LRRC4C: variants seen among roughly 807,000 people sequenced by gnomAD.
LRRC4C encodes leucine rich repeat containing 4C, also known as leucine-rich repeat-containing protein 4C.
LRRC4C carries 5 observed loss-of-function variants against 33.6 expected under a neutral mutation model. The ratio of observed to expected loss-of-function variants is 0.15; its 90% CI spans 0.08 to 0.31. The LOEUF (loss-of-function observed/expected upper bound fraction) is 0.31. Ranked by LOEUF, LRRC4C falls within the 10% of genes least tolerant of loss-of-function variation. The probability of loss-of-function intolerance (pLI) is 1.00; values close to 1 mark genes in which losing one functional copy is unlikely to be tolerated. For missense variants in LRRC4C, 560 were observed against 796.7 expected, an observed-to-expected ratio of 0.70 and a Z score of 3.58; for synonymous variants, 329 against 302.0, an observed-to-expected ratio of 1.09 and a Z score of -0.93.
At chr11:40,721,585 G>C (rs1335427742) in intron 2 of LRRC4C, among the ~76,000 whole-genome samples, 1 of 152,196 alleles carries the variant, frequency 6.6e-6, no homozygotes, top group Non-Finnish European at 1.5e-5. Context: ...AGGAAGCCTG[G>C]TTGGGTAGAT....
intron 1 of LRRC4C, among the ~76,000 whole-genome samples, chr11:41,278,411 A>C (rs2136907700): frequency 6.6e-6 from 1 of 152,354 alleles, no homozygotes; most frequent in Non-Finnish European, 1.5e-5. Flanking sequence ...TTAAAGTTGA[A>C]GTTTCCAAGA....
At chr11:41,011,851 G>T (rs201886122) in intron 1 of LRRC4C, among the ~76,000 whole-genome samples, 1 of 33,928 alleles carries the variant, frequency 2.9e-5, no homozygotes, top group Non-Finnish European at 8.0e-5. Context: ...ATTATATTAT[G>T]TTACATGTAT....
intron 1 of LRRC4C, among the ~76,000 whole-genome samples, chr11:41,369,909 G>A (rs1952682378): frequency 6.6e-6 from 1 of 152,200 alleles, no homozygotes; most frequent in African/African-American, 2.4e-5. Context: ...AGAGGCCCTT[G>A]TAACACTTTA....
chr11:40,708,721 G>T (rs7342204), intron 2 of LRRC4C, among the ~76,000 whole-genome samples: 1 of 152,074 alleles, frequency 6.6e-6, no homozygotes, highest in Non-Finnish European at 1.5e-5. Flanking sequence ...ATGTCTATTA[G>T]GTCTGCTTGG....
intron 6 of LRRC4C, among the ~76,000 whole-genome samples, chr11:40,136,279 T>C (rs561992139): frequency 1.3e-5 from 2 of 151,982 alleles, no homozygotes; most frequent in East Asian, 3.9e-4. Context: ...TTTCTTTTTC[T>C]TTTTGATATG....
At chr11:40,425,568 A>G (rs1392112139) in intron 3 of LRRC4C, among the ~76,000 whole-genome samples, 1 of 152,212 alleles carries the variant, frequency 6.6e-6, no homozygotes, top group Non-Finnish European at 1.5e-5. Flanking sequence ...CCAGTTCCAC[A>G]AGCACAGACT....
At chr11:40,856,865 T>TC (rs754685611) in intron 2 of LRRC4C, among the ~76,000 whole-genome samples, 1 of 152,180 alleles carries the variant, frequency 6.6e-6, no homozygotes, top group Non-Finnish European at 1.5e-5. Context: ...TCTGTTTTTT[T>TC]CCCAGAGAGA....
chr11:41,213,852 A>C (rs776113399), intron 1 of LRRC4C, among the ~76,000 whole-genome samples: 1 of 152,152 alleles, frequency 6.6e-6, no homozygotes, highest in Non-Finnish European at 1.5e-5. Flanking sequence ...TCACACATCA[A>C]CTTACATTAA....
At chr11:40,937,151 C>T (rs1433923121) in intron 1 of LRRC4C, among the ~76,000 whole-genome samples, 1 of 152,138 alleles carries the variant, frequency 6.6e-6, no homozygotes, top group East Asian at 1.9e-4. Flanking sequence ...AGAATAAAAT[C>T]ATGTCCTTTG....
intron 2 of LRRC4C, among the ~76,000 whole-genome samples, chr11:40,775,504 G>A (rs912963284): frequency 6.6e-6 from 1 of 151,930 alleles, no homozygotes; most frequent in African/African-American, 2.4e-5. Flanking sequence ...AAAGTTAGAT[G>A]CATTTTTAGT....
intron 3 of LRRC4C, among the ~76,000 whole-genome samples, chr11:40,609,932 G>T (rs922686443): frequency 6.6e-6 from 1 of 151,906 alleles, no homozygotes; most frequent in Non-Finnish European, 1.5e-5. Flanking sequence ...TCCAGAACCA[G>T]ATAGCTTCAC....
At chr11:41,440,472 G>A (rs2138521099) in intron 1 of LRRC4C, among the ~76,000 whole-genome samples, 1 of 152,044 alleles carries the variant, frequency 6.6e-6, no homozygotes, top group East Asian at 1.9e-4. Flanking sequence ...AGCATCAAGA[G>A]AACTATGTAA....
chr11:40,561,603 G>T (rs1437092060), intron 3 of LRRC4C, among the ~76,000 whole-genome samples: 1 of 151,596 alleles, frequency 6.6e-6, no homozygotes, highest in Non-Finnish European at 1.5e-5. Flanking sequence ...TAGTAGAGAC[G>T]GGGTTTCGTC....
chr11:40,828,929 T>G (rs375567703), intron 2 of LRRC4C, among the ~76,000 whole-genome samples: 11 of 151,956 alleles, frequency 7.2e-5, no homozygotes, highest in South Asian at 6.2e-4. Context: ...AAAATCTTTT[T>G]TCTAGGATGT....
At chr11:40,620,084 C>T (rs1294225934) in intron 3 of LRRC4C, among the ~76,000 whole-genome samples, 1 of 149,438 alleles carries the variant, frequency 6.7e-6, no homozygotes, top group African/African-American at 2.5e-5. Context: ...AAGAATGAGC[C>T]GAGCTGAGAG....
chr11:40,736,618 A>G (rs1398806318), intron 2 of LRRC4C, among the ~76,000 whole-genome samples: 1 of 152,180 alleles, frequency 6.6e-6, no homozygotes, highest in Admixed American at 6.5e-5. Context: ...GAATTAATTT[A>G]CACTCCCACA....
chr11:40,527,336 T>C (rs541745678), intron 3 of LRRC4C, among the ~76,000 whole-genome samples: 23 of 152,132 alleles, frequency 1.5e-4, no homozygotes, highest in Non-Finnish European at 3.1e-4. Context: ...GACAAAACAG[T>C]GCCTTAAAAT....
In LRRC4C at chr11:41,126,077, A is replaced by C. The variant is rs55692379; in HGVS notation, c.-495-192354T>G. Among the ~76,000 whole-genome samples, 523 of 152,258 alleles carry C rather than the reference A, an allele frequency of 3.4e-3. 2 individuals are homozygous for C. Among genetic ancestry groups the C allele is most frequent in the African/African-American group, 0.012 (490 of 41,572 alleles). On this transcript the variant is annotated intron_variant, in intron 1 of 6. Coordinates refer to ENST00000528697, the MANE Select transcript of LRRC4C (RefSeq NM_001258419.2). ...TAATTAGTAATTTTAAAAATGTCTA[A>C]TGCATGTGGGGCTTAATACCCAGGT...
chr11:41,004,422 A>T (rs1228181499), intron 1 of LRRC4C, among the ~76,000 whole-genome samples: 1 of 152,124 alleles, frequency 6.6e-6, no homozygotes, highest in Non-Finnish European at 1.5e-5. Context: ...CTGTCACACC[A>T]CCATGCCAGA....
Sources: allele counts gnomAD v4.1 joint callset (sites outside exome capture counted in the v4.1 genomes callset), GRCh38; gene constraint gnomAD v4.1.1; transcripts MANE v1.5; gene names NCBI Gene and HGNC (gene_info 2026-07-23, HGNC 2026-07-21).